IQCE: variants seen among roughly 807,000 people sequenced by gnomAD.
IQCE encodes the protein IQ motif containing E, also known as IQ domain-containing protein E.
IQCE carries 115 observed loss-of-function variants against 96.0 expected under a neutral mutation model. The observed-to-expected ratio is 1.20, with a 90% CI of 1.03 to 1.40. The LOEUF (loss-of-function observed/expected upper bound fraction) is 1.40, where lower values mean the gene tolerates loss of function less well. IQCE is among the 40% of genes most tolerant of loss of function. The pLI, the probability that IQCE is intolerant of heterozygous loss-of-function variation, is 0.00. For missense variants in IQCE, 1,041 were observed against 909.1 expected (o/e 1.15, Z -1.87); for synonymous variants, 412 against 371.2 (o/e 1.11, Z -1.26).
intron 6 of IQCE, among the ~76,000 whole-genome samples, 200 bp from the exon 7 acceptor site, chr7:2,578,042 T>C (rs62439475): frequency 0.12 from 14,229 of 120,660 alleles, 940 homozygotes; most frequent in Non-Finnish European, 0.13. Flanking sequence ...GTGCGGCGTG[T>C]GCGCATTGGC....
At chr7:2,598,389 T>C (rs1412320290) in intron 16 of IQCE, 76 bp from the exon 17 acceptor site, 18 of 1,396,838 alleles carry the variant, frequency 1.3e-5, no homozygotes, top group Non-Finnish European at 1.9e-6. Context: ...TGCCGGGTAA[T>C]ATCCTGTCCC....
intron 6 of IQCE, among the ~76,000 whole-genome samples, 183 bp downstream of exon 6, chr7:2,573,671 A>G (rs138315312): frequency 2.9e-4 from 44 of 152,288 alleles, no homozygotes; most frequent in African/African-American, 1.0e-3. Flanking sequence ...TAAAGGCCGT[A>G]GCACCAGCAC....
intron 1 of IQCE, among the ~76,000 whole-genome samples, chr7:2,562,230 T>TGG (rs1207626974): frequency 1.5e-3 from 208 of 141,880 alleles, no homozygotes; most frequent in African/African-American, 2.6e-3. Context: ...TTCTTGGTCT[T>TGG]GGGGTGTGTG....
intron 19 of IQCE, among the ~76,000 whole-genome samples, chr7:2,605,551 C>T (rs1396430221): frequency 1.3e-5 from 2 of 151,926 alleles, no homozygotes; most frequent in East Asian, 1.9e-4. Flanking sequence ...ACCCGGAAGG[C>T]GGAGCTTACA....
chr7:2,584,961 T>C (rs1162885328), intron 11 of IQCE, among the ~76,000 whole-genome samples: 1 of 152,162 alleles, frequency 6.6e-6, no homozygotes, highest in Non-Finnish European at 1.5e-5. Context: ...TACAGAGTTA[T>C]AAAGTCTCCA....
At chr7:2,582,493 T>G in intron 8 of IQCE, 87 bp from the exon 9 acceptor site, 1 of 1,036,074 alleles carries the variant, frequency 9.7e-7, no homozygotes, top group Non-Finnish European at 1.5e-6. Flanking sequence ...GACAGTGAGG[T>G]GTGCCGGTGC....
chr7:2,608,237 G>A (rs1046636800), intron 21 of IQCE, among the ~76,000 whole-genome samples: 1 of 152,164 alleles, frequency 6.6e-6, no homozygotes, highest in Non-Finnish European at 1.5e-5. Flanking sequence ...CGGAGGCCTC[G>A]CTTTCCTGGG....
intron 14 of IQCE, among the ~76,000 whole-genome samples, chr7:2,592,503 G>A (rs537039524): frequency 7.3e-4 from 111 of 152,288 alleles, no homozygotes; most frequent in Non-Finnish European, 1.2e-3. Context: ...CTGAGCAGTC[G>A]GGGCTCGCAG....
At chr7:2,601,622 T>A (rs2091107226) in intron 18 of IQCE, 158 bp downstream of exon 18, 3 of 658,252 alleles carry the variant, frequency 4.6e-6, no homozygotes. Flanking sequence ...CAATCTTGGC[T>A]CACTGCAACC....
chr7:2,564,926 C>A (rs1781249494), intron 1 of IQCE, among the ~76,000 whole-genome samples: 1 of 152,234 alleles, frequency 6.6e-6, no homozygotes, highest in Admixed American at 6.5e-5. Context: ...GCCTCCCAAA[C>A]TGAGACAGTT....
At chr7:2,606,205 G>T (rs953010371) in intron 20 of IQCE, among the ~76,000 whole-genome samples, 3 of 152,238 alleles carry the variant, frequency 2.0e-5, no homozygotes, top group Non-Finnish European at 2.9e-5. Flanking sequence ...GGGCTGGAAG[G>T]TGTGATCCTC....
chr7:2,561,593 T>C (rs1295645861), intron 1 of IQCE, among the ~76,000 whole-genome samples: 1 of 151,968 alleles, frequency 6.6e-6, no homozygotes, highest in Non-Finnish European at 1.5e-5. Context: ...GCTAATTTTT[T>C]TGTATTTTTG....
intron 1 of IQCE, among the ~76,000 whole-genome samples, chr7:2,564,384 C>G (rs1381485604): frequency 6.6e-6 from 1 of 151,952 alleles, no homozygotes; most frequent in Non-Finnish European, 1.5e-5. Context: ...CACCTGAGGT[C>G]AGGAGTTTGA....
chr7:2,589,943 G>A lies in IQCE; in HGVS notation c.1081G>A (p.Ala361Thr), dbSNP rs780175292. Residue 361 changes from alanine to threonine, a missense_variant, in exon 14 of 22, where the codon GCA (alanine) becomes ACA (threonine). Physicochemically the swap from Ala to Thr is moderately conservative, Grantham distance 58. Coordinates refer to ENST00000402050, the MANE Select transcript of IQCE (RefSeq NM_152558.5). ...GATGGAGAGCTCAAAATCACACGCC[G>A]CAGAGCCAGTCAGATCACACCCGCC... ...SVMESSKSHA[A>T]EPVRSHPPAC... 26 of 1,613,804 alleles carry A rather than the reference G, an allele frequency of 1.6e-5. No homozygotes were observed. Among genetic ancestry groups the A allele is most frequent in the African/African-American group, 8.0e-5 (6 of 74,926 alleles).
At chr7:2,592,029 G>C (rs1783634491) in intron 14 of IQCE, among the ~76,000 whole-genome samples, 1 of 145,100 alleles carries the variant, frequency 6.9e-6, no homozygotes, top group South Asian at 2.3e-4. Context: ...ACCGCACCCG[G>C]GCCTGCCTCG....
intron 17 of IQCE, among the ~76,000 whole-genome samples, chr7:2,601,078 G>T (rs1332407644): frequency 6.6e-6 from 1 of 152,174 alleles, no homozygotes; most frequent in Non-Finnish European, 1.5e-5. Flanking sequence ...GGACACCTGT[G>T]CTGTGAGAGA....
Position 2,583,633 on chromosome 7 carries a change from T to G in IQCE, c.702-4T>G, listed in dbSNP as rs1360440048. Reference sequence around the variant, plus strand: ...CCCTATTAACGCTGAACTTGGGTTTTCAGCAAACTCCAGACCGATATGAAG... The same window carrying G: ...CCCTATTAACGCTGAACTTGGGTTTGCAGCAAACTCCAGACCGATATGAAG... On this transcript the variant is annotated splice_region_variant and splice_polypyrimidine_tract_variant and intron_variant, in intron 9 of 21. Coordinates refer to ENST00000402050, the MANE Select transcript of IQCE (RefSeq NM_152558.5). 1 of 1,592,804 alleles carries G rather than the reference T, an allele frequency of 6.3e-7. No individual in the cohort carries two copies. The highest frequency in any genetic ancestry group is 2.3e-5 in the East Asian group (1 of 43,614).
intron 11 of IQCE, chr7:2,584,514 C>T (rs575534557): frequency 9.3e-6 from 5 of 540,356 alleles, no homozygotes; most frequent in African/African-American, 3.8e-5. Context: ...TGTTCAATGC[C>T]GCCCGTGTTC....
At chr7:2,607,047 C>G in intron 20 of IQCE, 77 bp from the exon 21 acceptor site, 1 of 1,335,222 alleles carries the variant, frequency 7.5e-7, no homozygotes. Context: ...AAGCAAATTA[C>G]TGAGGCTGCT....
Sources: gnomAD v4.1 joint callset for allele counts (sites outside exome capture counted in the v4.1 genomes callset) on GRCh38, gnomAD v4.1.1 for gene constraint, MANE v1.5 for transcripts, NCBI Gene and HGNC (gene_info 2026-07-23, HGNC 2026-07-21) for gene names.